FLT1: variants seen among roughly 807,000 people sequenced by gnomAD.
The protein encoded by FLT1 is vascular endothelial growth factor receptor 1.
In FLT1, 49 loss-of-function variants were observed where a neutral mutation model predicts 156.3. That is an observed-to-expected ratio of 0.31 (90% CI 0.25 to 0.40). The LOEUF is 0.40. Among genes scored for constraint, FLT1 ranks in the 10% least tolerant of loss-of-function variants. The pLI, the probability that FLT1 is intolerant of heterozygous loss-of-function variation, is 1.00. For missense variants in FLT1, 1,322 were observed against 1,637.2 expected (o/e 0.81, Z 3.32); for synonymous variants, 594 against 583.8 (o/e 1.02, Z -0.25).
chr13:28,475,814 T>G (rs1339027540), intron 1 of FLT1, among the ~76,000 whole-genome samples: 1 of 152,102 alleles, frequency 6.6e-6, no homozygotes, highest in Non-Finnish European at 1.5e-5. Flanking sequence ...AGTAACCACA[T>G]TAAATGGAGA....
chr13:28,328,932 C>G (rs1231701518), intron 19 of FLT1, among the ~76,000 whole-genome samples: 1 of 152,176 alleles, frequency 6.6e-6, no homozygotes, highest in African/African-American at 2.4e-5. Context: ...TTCTGGCCTC[C>G]CCAGCCTTTA....
In FLT1 at chr13:28,470,981, G is replaced by A. The variant is rs57019812; in HGVS notation, c.65-3364C>T. Among the ~76,000 whole-genome samples, 727 of 152,200 alleles carry A rather than the reference G, an allele frequency of 4.8e-3. 3 individuals are homozygous for A. The highest frequency in any genetic ancestry group is 0.017 in the African/African-American group (696 of 41,520). On this transcript the variant is annotated intron_variant, in intron 1 of 29. Transcript: ENST00000282397. ...GCTAGGATTACAGACGTGAGCCACCGCGCCGCGCAAGAAGTGCTATTTAGA... is the reference window on the plus strand; with the variant it reads ...GCTAGGATTACAGACGTGAGCCACCACGCCGCGCAAGAAGTGCTATTTAGA...
At chr13:28,470,838 C>T (rs1880129576) in intron 1 of FLT1, among the ~76,000 whole-genome samples, 1 of 152,154 alleles carries the variant, frequency 6.6e-6, no homozygotes, top group South Asian at 2.1e-4. Flanking sequence ...TTACAGGCGC[C>T]TGCCACCACA....
At chr13:28,385,690 T>C (rs1465674578) in intron 13 of FLT1, 1 of 981,562 alleles carries the variant, frequency 1.0e-6, no homozygotes, top group African/African-American at 1.7e-5. Flanking sequence ...TTGTATTTTA[T>C]ATTATTTTCT....
intron 1 of FLT1, among the ~76,000 whole-genome samples, chr13:28,483,774 T>C (rs1880987585): frequency 1.3e-5 from 2 of 152,200 alleles, no homozygotes; most frequent in Non-Finnish European, 2.9e-5. Context: ...GACAGTAACT[T>C]GTTTAAGAAA....
At chr13:28,462,525 G>A (rs985106530) in intron 3 of FLT1, among the ~76,000 whole-genome samples, 11 of 152,110 alleles carry the variant, frequency 7.2e-5, no homozygotes, top group African/African-American at 2.7e-4. Context: ...GCTATAATTA[G>A]ATTCAATTCA....
At chr13:28,316,172 C>T (rs1278700301) in intron 25 of FLT1, among the ~76,000 whole-genome samples, 3 of 152,256 alleles carry the variant, frequency 2.0e-5, no homozygotes, top group Non-Finnish European at 4.4e-5. Flanking sequence ...GGCAGAGCTC[C>T]CCAGCCCTGC....
intron 1 of FLT1, among the ~76,000 whole-genome samples, chr13:28,475,258 G>A (rs959970795): frequency 2.0e-5 from 3 of 151,906 alleles, no homozygotes; most frequent in African/African-American, 7.3e-5. Flanking sequence ...GAATAAATCT[G>A]GTGTTTCCTT....
At chr13:28,428,042 T>G in intron 8 of FLT1, 121 bp from the exon 9 acceptor site, 1 of 827,050 alleles carries the variant, frequency 1.2e-6, no homozygotes, top group Non-Finnish European at 2.0e-6. Flanking sequence ...ATCATCAGTG[T>G]TGATTTTTAA....
intron 13 of FLT1, chr13:28,385,700 T>C: frequency 2.1e-6 from 2 of 973,474 alleles, no homozygotes; most frequent in Non-Finnish European, 2.5e-6. Context: ...TATTATTTTC[T>C]CTTAAAACAT....
chr13:28,437,000 C>T (rs868150071), intron 4 of FLT1, among the ~76,000 whole-genome samples: 2 of 152,136 alleles, frequency 1.3e-5, no homozygotes, highest in Non-Finnish European at 2.9e-5. Flanking sequence ...CACTTGTCTT[C>T]CTCCTATATG....
chr13:28,485,083 A>G (rs1042060584), intron 1 of FLT1, among the ~76,000 whole-genome samples: 2 of 152,164 alleles, frequency 1.3e-5, no homozygotes, highest in Non-Finnish European at 2.9e-5. Flanking sequence ...AAGTATAAAA[A>G]AAGAAATATT....
At position 28,387,688 on chromosome 13, in the gene FLT1, G is replaced by A. The variant is rs764487702; in HGVS notation, c.1969+2108C>T. On this transcript the variant is annotated intron_variant, in intron 13 of 29. Transcript: ENST00000282397. ...TCCATTTCAATTATTCCCCATTTTA[G>A]GCTCCTTTTTTCTCCTTTTTTTTTT... 107 of 1,062,068 alleles carry A rather than the reference G, an allele frequency of 1.0e-4. No homozygotes were observed. In the African/African-American group the frequency reaches 1.6e-3, roughly 16 times the overall value. The allele number at this position is 1,062,068 out of a possible 1,614,324, so 65.8% of individuals were successfully genotyped here.
At chr13:28,436,377 T>C (rs1408447342) in intron 4 of FLT1, among the ~76,000 whole-genome samples, 3 of 152,236 alleles carry the variant, frequency 2.0e-5, no homozygotes, top group Non-Finnish European at 4.4e-5. Context: ...ATTAACTTCA[T>C]GTCAGCAGAA....
chr13:28,478,384 A>G (rs1349269792), intron 1 of FLT1, among the ~76,000 whole-genome samples: 3 of 152,220 alleles, frequency 2.0e-5, no homozygotes, highest in Non-Finnish European at 2.9e-5. Flanking sequence ...TCAGTGTCAA[A>G]GTTCCAGGCA....
intron 3 of FLT1, chr13:28,466,669 G>A: frequency 1.7e-6 from 1 of 594,444 alleles, no homozygotes; most frequent in South Asian, 1.9e-5. Context: ...TGGGTACAGA[G>A]GTGACCTATA....
rs564622784 is a variant in FLT1, at chr13:28,386,609, C to T, written c.1970-1578G>A. 1.3e-5 allele frequency: 14 copies of T among 1,056,014 alleles called. No homozygotes were observed. In the African/African-American group the frequency reaches 2.0e-4, roughly 15 times the overall value. 65.4% of individuals were successfully genotyped at this position (1,056,014 alleles called of 1,614,324 possible). ...CACTAAGCAGAACGTTACGATATTT[C>T]TGTTTTTGCATTGGATGCTATCTGC... On this transcript the variant is annotated intron_variant, in intron 13 of 29. Coordinates refer to ENST00000282397, the MANE Select transcript of FLT1 (RefSeq NM_002019.4).
Position 28,423,072 on chromosome 13 carries a change from G to A in FLT1, c.1436+4087C>T, listed in dbSNP as rs572700693. On this transcript the variant is annotated intron_variant, in intron 10 of 29. Transcript: ENST00000282397. ...AAGATCAAGCGGAGCTCAGTCCTTG[G>A]GGGGTTTACTCGTACTACTTAGTTG... Among the ~76,000 whole-genome samples the A allele has an allele frequency of 6.6e-5, 10 of 152,284 alleles. No homozygotes were observed. The South Asian group carries it at 1.9e-3, about 28-fold the overall frequency.
intron 1 of FLT1, among the ~76,000 whole-genome samples, chr13:28,470,388 CTGGGGATTTAA>C (rs1880094836): frequency 6.6e-6 from 1 of 152,184 alleles, no homozygotes; most frequent in Non-Finnish European, 1.5e-5. Context: ...GCATGGAACT[CTGGGGATTTAA>C]TTGAGCAATT....
Sources: allele counts gnomAD v4.1 joint callset (sites outside exome capture counted in the v4.1 genomes callset), GRCh38; gene constraint gnomAD v4.1.1; transcripts MANE v1.5; gene names NCBI Gene and HGNC (gene_info 2026-07-23, HGNC 2026-07-21).